The following RPS6KC1 variants were observed in gnomAD, a reference collection of about 807,000 sequenced individuals.
RPS6KC1 encodes the protein inactive ribosomal protein S6 kinase delta-1.
A neutral mutation model predicts 103.8 loss-of-function variants in RPS6KC1; 54 were observed. That is an observed-to-expected ratio of 0.52 (90% confidence interval 0.42 to 0.65). RPS6KC1 has a LOEUF of 0.65. Ranked by LOEUF, RPS6KC1 falls within the 30% of genes least tolerant of loss-of-function variation. The pLI, the probability that RPS6KC1 is intolerant of heterozygous loss-of-function variation, is 0.00. For missense variants in RPS6KC1, 1,151 were observed against 1,253.8 expected (o/e 0.92, Z 1.24); for synonymous variants, 439 against 438.7 (o/e 1.00, Z -0.01).
At chr1:213,566,879 G>A in the RPS6KC1 span, among the ~76,000 whole-genome samples, 5 of 151,990 alleles carry the variant, frequency 3.3e-5, no homozygotes, top group African/African-American at 1.2e-4. Context: ...ATTTTAAGTG[G>A]ATGTTATCAG....
the RPS6KC1 span, among the ~76,000 whole-genome samples, chr1:213,554,728 A>T: frequency 6.6e-6 from 1 of 152,076 alleles, no homozygotes; most frequent in East Asian, 1.9e-4. Flanking sequence ...CACCGTTCTG[A>T]TTATAAGTAC....
At chr1:213,430,556 A>T in the RPS6KC1 span, among the ~76,000 whole-genome samples, 1 of 152,196 alleles carries the variant, frequency 6.6e-6, no homozygotes, top group Non-Finnish European at 1.5e-5. Context: ...GTGGATGATG[A>T]GGAATTGGTG....
the RPS6KC1 span, among the ~76,000 whole-genome samples, chr1:213,404,238 G>C: frequency 0.025 from 3,867 of 152,216 alleles, 145 homozygotes; most frequent in African/African-American, 0.089. Flanking sequence ...GGTTTACACT[G>C]GGGTTGAGGT....
the RPS6KC1 span, among the ~76,000 whole-genome samples, chr1:213,625,026 A>C: frequency 6.6e-6 from 1 of 152,034 alleles, no homozygotes; most frequent in Non-Finnish European, 1.5e-5. Context: ...TCTGTCGCCC[A>C]GGCTGGAGTG....
the RPS6KC1 span, among the ~76,000 whole-genome samples, chr1:213,666,741 A>G: frequency 2.0e-5 from 3 of 152,214 alleles, no homozygotes; most frequent in African/African-American, 7.2e-5. Flanking sequence ...AAACCAAAAC[A>G]AGCCTGCTCT....
the RPS6KC1 span, among the ~76,000 whole-genome samples, chr1:213,805,089 G>T: frequency 6.6e-6 from 1 of 152,156 alleles, no homozygotes; most frequent in Non-Finnish European, 1.5e-5. Flanking sequence ...ATATTTTCTT[G>T]CTAAAAACTG....
chr1:213,495,921 A>G, the RPS6KC1 span, among the ~76,000 whole-genome samples: 1 of 152,222 alleles, frequency 6.6e-6, no homozygotes, highest in African/African-American at 2.4e-5. Flanking sequence ...GGATAATATA[A>G]CCAAATACCA....
At chr1:213,404,240 G>A in the RPS6KC1 span, among the ~76,000 whole-genome samples, 3 of 152,160 alleles carry the variant, frequency 2.0e-5, no homozygotes, top group South Asian at 2.1e-4. Context: ...TTTACACTGG[G>A]GTTGAGGTGG....
intron 3 of RPS6KC1, 31 bp from the exon 4 acceptor site, chr1:213,104,423 C>A: frequency 7.3e-7 from 1 of 1,367,484 alleles, no homozygotes; most frequent in Non-Finnish European, 1.0e-6. Flanking sequence ...GATCATTCTT[C>A]CCTTAAGTGT....
chr1:213,343,511 T>C, the RPS6KC1 span, among the ~76,000 whole-genome samples: 9 of 146,200 alleles, frequency 6.2e-5, no homozygotes, highest in East Asian at 1.8e-3. Context: ...CTGGATGGAA[T>C]TGGAGACTAT....
At chr1:213,251,358 G>C (rs1218768899) in intron 12 of RPS6KC1, among the ~76,000 whole-genome samples, 1 of 152,224 alleles carries the variant, frequency 6.6e-6, no homozygotes, top group African/African-American at 2.4e-5. Context: ...CACCTGCCTG[G>C]TCCTCTCAAA....
chr1:213,207,235 G>C (rs1012878184), intron 8 of RPS6KC1, among the ~76,000 whole-genome samples: 1 of 152,184 alleles, frequency 6.6e-6, no homozygotes, highest in Non-Finnish European at 1.5e-5. Context: ...GTCCATTTGT[G>C]GGGGAGATTT....
chr1:213,385,941 G>T, the RPS6KC1 span, among the ~76,000 whole-genome samples: 1 of 152,196 alleles, frequency 6.6e-6, no homozygotes, highest in Non-Finnish European at 1.5e-5. Flanking sequence ...CTAACTGTGG[G>T]CAGGTTACTA....
the RPS6KC1 span, among the ~76,000 whole-genome samples, chr1:213,777,985 G>A: frequency 6.6e-6 from 1 of 152,104 alleles, no homozygotes; most frequent in Admixed American, 6.6e-5. Flanking sequence ...GGAAGGTGAG[G>A]TGGGCAGTGG....
intron 5 of RPS6KC1, among the ~76,000 whole-genome samples, chr1:213,119,121 T>C (rs1379230061): frequency 6.6e-6 from 1 of 151,868 alleles, no homozygotes; most frequent in Non-Finnish European, 1.5e-5. Context: ...TCCATACTGA[T>C]TCTGTGAGAA....
At chr1:213,584,911 G>A in the RPS6KC1 span, among the ~76,000 whole-genome samples, 1 of 152,140 alleles carries the variant, frequency 6.6e-6, no homozygotes, top group Non-Finnish European at 1.5e-5. Context: ...ATGGTTGACT[G>A]GTGGGTTCCA....
chr1:213,664,591 G>GT, the RPS6KC1 span, among the ~76,000 whole-genome samples: 1 of 152,062 alleles, frequency 6.6e-6, no homozygotes, highest in African/African-American at 2.4e-5. Flanking sequence ...TTGTTCATCA[G>GT]TTTTTTGTTC....
the RPS6KC1 span, among the ~76,000 whole-genome samples, chr1:213,548,524 G>C: frequency 6.6e-6 from 1 of 152,188 alleles, no homozygotes. Context: ...AGCTGGGCTT[G>C]GTGACGCACA....
chr1:213,375,617 G>A, the RPS6KC1 span, among the ~76,000 whole-genome samples: 18 of 152,260 alleles, frequency 1.2e-4, no homozygotes, highest in African/African-American at 4.3e-4. Flanking sequence ...GCACATATTG[G>A]TTAGGATTCT....
Sources: gnomAD v4.1 joint callset for allele counts (sites outside exome capture counted in the v4.1 genomes callset) on GRCh38, gnomAD v4.1.1 for gene constraint, MANE v1.5 for transcripts, NCBI Gene and HGNC (gene_info 2026-07-23, HGNC 2026-07-21) for gene names.